Variants in GREB1 observed in about 807,000 individuals in gnomAD.
GREB1 encodes the protein protein GREB1.
Under a neutral mutation model 200.7 loss-of-function variants are expected in GREB1, and 106 were observed. The observed-to-expected ratio is 0.53, with a 90% CI of 0.45 to 0.62. The LOEUF is 0.62. Ranked by LOEUF, GREB1 falls within the 20% of genes least tolerant of loss-of-function variation. GREB1 has a pLI of 0.00. For synonymous variants in GREB1, 1,132 were observed against 1,092.4 expected (o/e 1.04, Z -0.72); for missense variants, 2,243 against 2,556.8 (o/e 0.88, Z 2.65).
chr2:11,586,781 G>T (rs1250201550), intron 9 of GREB1, among the ~76,000 whole-genome samples: 2 of 152,234 alleles, frequency 1.3e-5, no homozygotes, highest in Non-Finnish European at 2.9e-5. Context: ...ACTGGACGGG[G>T]TATTCAGGAA....
chr2:11,592,741 T>G, intron 10 of GREB1, 35 bp from the exon 11 acceptor site: 13 of 1,369,088 alleles, frequency 9.5e-6, no homozygotes, highest in South Asian at 1.5e-5. Flanking sequence ...GCCGCTGGCA[T>G]TTGTGGCAGG....
At chr2:11,486,426 G>T (rs979818686) in intron 1 of GREB1, among the ~76,000 whole-genome samples, 1 of 152,156 alleles carries the variant, frequency 6.6e-6, no homozygotes. Context: ...AGAGCACTGG[G>T]ATTATAGGCA....
chr2:11,591,504 A>T, intron 10 of GREB1: 1 of 711,102 alleles, frequency 1.4e-6, no homozygotes, highest in East Asian at 2.7e-5. Context: ...CATCAAAGAC[A>T]TGCAAATCAC....
intron 1 of GREB1, among the ~76,000 whole-genome samples, chr2:11,496,171 C>T (rs1299524471): frequency 2.0e-5 from 3 of 152,134 alleles, no homozygotes; most frequent in Non-Finnish European, 4.4e-5. Context: ...AGAAAGTCGA[C>T]CTCCTGTGCT....
chr2:11,517,455 G>A (rs1173708095), intron 1 of GREB1: 1 of 152,040 alleles, frequency 6.6e-6, no homozygotes, highest in African/African-American at 2.4e-5. Flanking sequence ...GGGTTGGCTT[G>A]GTCAGTACTT....
chr2:11,507,778 C>G (rs997612762), intron 1 of GREB1, among the ~76,000 whole-genome samples: 2 of 152,164 alleles, frequency 1.3e-5, no homozygotes, highest in Admixed American at 1.3e-4. Context: ...CTGTCCCTCT[C>G]TGGTCCCGAC....
At chr2:11,524,751 C>T (rs1013461055) in intron 1 of GREB1, among the ~76,000 whole-genome samples, 2 of 152,194 alleles carry the variant, frequency 1.3e-5, no homozygotes, top group African/African-American at 2.4e-5. Flanking sequence ...TGGCAGACAA[C>T]CCTGTCCATC....
intron 17 of GREB1, among the ~76,000 whole-genome samples, chr2:11,603,378 CCTT>C (rs1229956070): frequency 1.3e-5 from 2 of 152,224 alleles, no homozygotes; most frequent in Admixed American, 6.5e-5. Flanking sequence ...TTAGACATAT[CCTT>C]CTCAAGCTAT....
At chr2:11,484,988 C>T (rs1487304314) in intron 1 of GREB1, among the ~76,000 whole-genome samples, 2 of 152,088 alleles carry the variant, frequency 1.3e-5, no homozygotes, top group South Asian at 2.1e-4. Context: ...TACAGGCGCC[C>T]GCCACGGCGC....
Position 11,635,383 on chromosome 2 carries a change from G to T in GREB1, c.5324G>T (p.Arg1775Met). ...MKKQIVVGGH[R>M]SFHITSKVSD... ...AAGCAGATCGTGGTGGGCGGCCACA[G>T]GTCCTTCCACATCACATCCAAGGTG... is the stretch of plus-strand genomic sequence containing the variant. Residue 1775 changes from arginine to methionine, a missense_variant, in exon 30 of 33, where the codon AGG becomes ATG. Physicochemically the swap from Arg to Met is moderately conservative, Grantham distance 91 (BLOSUM62 -1). This residue lies in a region of GREB1 where 478 missense variants were observed against 616.3 expected (regional missense o/e 0.78). Transcript: ENST00000381486. The T allele has an allele frequency of 6.2e-7, 1 of 1,612,408 alleles. No individual in the cohort carries two copies. The highest frequency in any genetic ancestry group is 8.5e-7 in the Non-Finnish European group (1 of 1,179,210).
chr2:11,576,907 C>T (rs1344822131), intron 5 of GREB1, among the ~76,000 whole-genome samples: 8 of 151,946 alleles, frequency 5.3e-5, no homozygotes, highest in East Asian at 3.9e-4. Context: ...TGGTGGTGCC[C>T]GCCTGTAATC....
At chr2:11,585,369 C>A in intron 8 of GREB1, 95 bp downstream of exon 8, 1 of 743,298 alleles carries the variant, frequency 1.3e-6, no homozygotes, top group Non-Finnish European at 2.2e-6. Context: ...TGCGTGCGCA[C>A]GAGTGTGAAT....
At chr2:11,560,094 C>T (rs1041555971) in intron 2 of GREB1, among the ~76,000 whole-genome samples, 8 of 152,198 alleles carry the variant, frequency 5.3e-5, no homozygotes, top group Non-Finnish European at 7.3e-5. Context: ...CTGAGGGCCA[C>T]GTTTTTCCAC....
At chr2:11,591,906 G>A in intron 10 of GREB1, 1 of 566,314 alleles carries the variant, frequency 1.8e-6, no homozygotes, top group Non-Finnish European at 2.2e-6. Context: ...TCATGGTTAA[G>A]GAAAGAATGC....
chr2:11,519,379 C>T (rs2148468185), intron 1 of GREB1, among the ~76,000 whole-genome samples: 1 of 151,570 alleles, frequency 6.6e-6, no homozygotes, highest in Middle Eastern at 3.4e-3. Flanking sequence ...AGTAAGTCCC[C>T]CAGGTATTCT....
intron 1 of GREB1, among the ~76,000 whole-genome samples, chr2:11,550,855 A>G (rs981748075): frequency 6.6e-6 from 1 of 152,120 alleles, no homozygotes; most frequent in African/African-American, 2.4e-5. Context: ...ACTAGAGACA[A>G]TGCATGTTCT....
At chr2:11,631,040 G>C (rs1318811767) in intron 26 of GREB1, among the ~76,000 whole-genome samples, 1 of 152,264 alleles carries the variant, frequency 6.6e-6, no homozygotes, top group Admixed American at 6.5e-5. Context: ...CCTACCCCAC[G>C]GGCTGGGGTT....
chr2:11,638,927 A>G, intron 32 of GREB1, 118 bp downstream of exon 32: 1 of 1,070,566 alleles, frequency 9.3e-7, no homozygotes, highest in Non-Finnish European at 1.3e-6. Context: ...TGAGGATCAG[A>G]GAGGGAAGTG....
chr2:11,594,031 TCTTG>T (rs1375149578), intron 11 of GREB1, among the ~76,000 whole-genome samples: 2 of 152,114 alleles, frequency 1.3e-5, no homozygotes, highest in Non-Finnish European at 2.9e-5. Flanking sequence ...TGAGACAGGG[TCTTG>T]CTTTGTCACC....
Sources: gnomAD v4.1 joint callset for allele counts (sites outside exome capture counted in the v4.1 genomes callset) on GRCh38, gnomAD v4.1.1 for gene constraint, gnomAD v4.1.1 regional missense constraint, MANE v1.5 for transcripts, NCBI Gene and HGNC (gene_info 2026-07-23, HGNC 2026-07-21) for gene names.